Variants in TLN2 observed in about 807,000 individuals in gnomAD.
TLN2 encodes talin 2.
Under a neutral mutation model 294.7 loss-of-function variants are expected in TLN2, and 118 were observed. The observed-to-expected ratio is 0.40, with a 90% confidence interval of 0.34 to 0.47. TLN2 has a LOEUF of 0.47. Among genes scored for constraint, TLN2 ranks in the 20% least tolerant of loss-of-function variants. The probability of loss-of-function intolerance (pLI) is 0.84; values close to 1 mark genes in which losing one functional copy is unlikely to be tolerated. For missense variants in TLN2, 3,083 were observed against 3,282.2 expected, an observed-to-expected ratio of 0.94 and a Z score of 1.48; for synonymous variants, 1,431 against 1,304.5, an observed-to-expected ratio of 1.10 and a Z score of -2.09.
intron 46 of TLN2, among the ~76,000 whole-genome samples, chr15:62,795,700 C>T (rs538386654): frequency 7.9e-5 from 12 of 152,258 alleles, no homozygotes; most frequent in East Asian, 1.9e-4. Flanking sequence ...GGGATGTAAT[C>T]GCCACACCTT....
chr15:62,460,249 G>A (rs2140338570), intron 1 of TLN2, among the ~76,000 whole-genome samples: 1 of 151,308 alleles, frequency 6.6e-6, no homozygotes, highest in South Asian at 2.1e-4. Context: ...ACCTGAATAA[G>A]TAGCCACATG....
intron 1 of TLN2, among the ~76,000 whole-genome samples, chr15:62,492,167 A>G (rs1439365886): frequency 6.6e-6 from 1 of 152,090 alleles, no homozygotes; most frequent in Non-Finnish European, 1.5e-5. Context: ...GAAAATAAAA[A>G]CTGGCCGGAC....
intron 9 of TLN2, among the ~76,000 whole-genome samples, chr15:62,671,756 CTATT>C (rs539244036): frequency 9.4e-4 from 143 of 152,260 alleles, no homozygotes; most frequent in African/African-American, 3.3e-3. Flanking sequence ...TACTACCAAA[CTATT>C]TATTTTTGAA....
intron 28 of TLN2, among the ~76,000 whole-genome samples, chr15:62,727,669 A>G (rs889101551): frequency 6.6e-5 from 10 of 152,218 alleles, no homozygotes; most frequent in Admixed American, 6.5e-4. Context: ...GAGGCCAGGT[A>G]CCCCTGAAGG....
intron 1 of TLN2, among the ~76,000 whole-genome samples, chr15:62,474,009 G>A (rs1289920099): frequency 1.3e-5 from 2 of 152,110 alleles, no homozygotes; most frequent in Non-Finnish European, 2.9e-5. Context: ...CAGAAAAATC[G>A]CTTGAACCCC....
At chr15:62,839,006 A>G (rs1171522385) in intron 58 of TLN2, 25 bp downstream of exon 58, 2 of 1,609,658 alleles carry the variant, frequency 1.2e-6, no homozygotes, top group East Asian at 2.2e-5. Flanking sequence ...CAAGAATAGT[A>G]TTTACTTCCC....
chr15:62,577,751 T>C (rs1344896095), intron 1 of TLN2, among the ~76,000 whole-genome samples: 1 of 152,206 alleles, frequency 6.6e-6, no homozygotes, highest in Non-Finnish European at 1.5e-5. Flanking sequence ...CGTGCAGATT[T>C]GTTACATAGG....
intron 11 of TLN2, among the ~76,000 whole-genome samples, chr15:62,677,805 A>ATTTTTTTTTTTT (rs1555466874): frequency 3.6e-4 from 4 of 11,146 alleles, no homozygotes; most frequent in Non-Finnish European, 7.9e-4. Flanking sequence ...AGCACTTGCA[A>ATTTTTTTTTTTT]CTTTTTTTTT....
At position 62,618,336 on chromosome 15, in the gene TLN2, A is replaced by G. The variant is rs1242577528; in HGVS notation, c.-161-15A>G. 1 of 151,914 alleles carries G rather than the reference A, an allele frequency of 6.6e-6. No homozygotes were observed. The highest frequency in any genetic ancestry group is 1.5e-5 in the Non-Finnish European group (1 of 68,004). The allele number at this position is 151,914 out of a possible 1,614,324, so 9.4% of individuals were successfully genotyped here. A position where few individuals can be genotyped will look rare whatever the true frequency, so the allele number is the denominator to read the frequency against. The stretch of plus-strand genomic sequence containing the variant: ...CCTAATTCTTCTTTTCCCACTCCAC[A>G]CTCTTCCACGACAGAAAGTCTGCCT... On this transcript the variant is annotated splice_polypyrimidine_tract_variant and intron_variant, in intron 2 of 58. Transcript: ENST00000636159.
At chr15:62,573,537 C>A (rs1256602830) in intron 1 of TLN2, among the ~76,000 whole-genome samples, 4 of 152,148 alleles carry the variant, frequency 2.6e-5, no homozygotes, top group Non-Finnish European at 5.9e-5. Flanking sequence ...AGAGAACCCT[C>A]CTTCTATCTT....
chr15:62,540,030 G>A (rs1316356102), intron 1 of TLN2, among the ~76,000 whole-genome samples: 1 of 151,924 alleles, frequency 6.6e-6, no homozygotes. Context: ...TGTGCCCCAG[G>A]GGTCCATTAA....
At chr15:62,785,232 C>T (rs577056022) in intron 45 of TLN2, among the ~76,000 whole-genome samples, 5 of 152,140 alleles carry the variant, frequency 3.3e-5, no homozygotes, top group Admixed American at 2.6e-4. Flanking sequence ...TTACACAGGC[C>T]TATCATTTTT....
chr15:62,828,611 TAAC>T (rs771277947), intron 54 of TLN2: 1 of 152,168 alleles, frequency 6.6e-6, no homozygotes, highest in African/African-American at 2.4e-5. Flanking sequence ...AGTGTACAAT[TAAC>T]AACTCAAGGC....
intron 26 of TLN2, 85 bp from the exon 27 acceptor site, chr15:62,724,891 A>T: frequency 6.6e-7 from 1 of 1,513,586 alleles, no homozygotes; most frequent in Non-Finnish European, 8.9e-7. Context: ...GGGTATATCC[A>T]GAAGGGCATT....
intron 42 of TLN2, among the ~76,000 whole-genome samples, chr15:62,774,308 G>A (rs1409743318): frequency 6.6e-6 from 1 of 152,120 alleles, no homozygotes; most frequent in Non-Finnish European, 1.5e-5. Flanking sequence ...AATGGAATCT[G>A]GTTTTTCTCT....
chr15:62,603,951 G>C (rs142120128), intron 2 of TLN2, among the ~76,000 whole-genome samples: 13 of 152,324 alleles, frequency 8.5e-5, no homozygotes, highest in African/African-American at 2.9e-4. Context: ...CTATGTTGCA[G>C]CTATTCAACT....
chr15:62,593,801 C>T (rs2046270270), intron 2 of TLN2, among the ~76,000 whole-genome samples: 1 of 152,144 alleles, frequency 6.6e-6, no homozygotes, highest in African/African-American at 2.4e-5. Context: ...AGAGTGTAAA[C>T]ATGACTTTAC....
intron 1 of TLN2, among the ~76,000 whole-genome samples, chr15:62,529,437 A>G (rs1475574126): frequency 6.6e-6 from 1 of 151,994 alleles, no homozygotes; most frequent in East Asian, 1.9e-4. Flanking sequence ...GAAGAGAGAA[A>G]TAGGAGAGAA....
chr15:62,630,284 G>C (rs1448853626), intron 3 of TLN2, among the ~76,000 whole-genome samples: 2 of 152,196 alleles, frequency 1.3e-5, no homozygotes, highest in African/African-American at 4.8e-5. Context: ...TTTTAGACTA[G>C]ATGACTTCTA....
Sources: gnomAD v4.1 joint callset for allele counts (sites outside exome capture counted in the v4.1 genomes callset) on GRCh38, gnomAD v4.1.1 for gene constraint, MANE v1.5 for transcripts, NCBI Gene and HGNC (gene_info 2026-07-23, HGNC 2026-07-21) for gene names.